Variants in LPIN2 observed in about 807,000 individuals in gnomAD.
The protein encoded by LPIN2 is lipin 2, also known as phosphatidate phosphatase LPIN2.
A neutral mutation model predicts 111.4 loss-of-function variants in LPIN2; 55 were observed. The observed-to-expected ratio is 0.49, with a 90% confidence interval of 0.40 to 0.62. LPIN2 has a LOEUF of 0.62. Among genes scored for constraint, LPIN2 ranks in the 20% least tolerant of loss-of-function variants. The probability of loss-of-function intolerance (pLI) is 0.00; values close to 1 mark genes in which losing one functional copy is unlikely to be tolerated. For missense variants in LPIN2, 992 were observed against 1,112.1 expected, an observed-to-expected ratio of 0.89 and a Z score of 1.54; for synonymous variants, 425 against 414.0, an observed-to-expected ratio of 1.03 and a Z score of -0.32.
At chr18:2,977,286 G>A (rs1815771911) in intron 1 of LPIN2, 1 of 152,000 alleles carries the variant, frequency 6.6e-6, no homozygotes, top group Admixed American at 6.6e-5. Context: ...TGCTGGACTG[G>A]AATTGGAGGT....
At position 2,951,284 on chromosome 18, in the gene LPIN2, G is replaced by A. The variant is rs142161739; in HGVS notation, c.361C>T (p.Pro121Ser). Residue 121 changes from proline (P) to serine (S), a missense_variant, in exon 4 of 20, where the codon CCT becomes TCT. This residue lies in a region of LPIN2 where 709 missense variants were observed against 753.2 expected (regional missense o/e 0.94). Coordinates refer to ENST00000677752, the MANE Select transcript of LPIN2 (RefSeq NM_001375808.2). ...EDQFFKDIDT[P>S]LVKSGGDETP... ...TCATCTCCACCCGATTTCACCAAAG[G>A]GGTGTCAATATCTTTAAAGAACTGA... 35 of 1,614,100 alleles carry A rather than the reference G, an allele frequency of 2.2e-5. No individual in the cohort carries two copies. Among genetic ancestry groups the A allele is most frequent in the Non-Finnish European group, 2.7e-5 (32 of 1,180,004 alleles).
chr18:2,940,360 G>A (rs958954015), intron 5 of LPIN2, among the ~76,000 whole-genome samples: 2 of 152,162 alleles, frequency 1.3e-5, no homozygotes, highest in African/African-American at 4.8e-5. Flanking sequence ...AATAACTGTA[G>A]ATGGCTAAAT....
chr18:2,980,739 A>C (rs1320314331), intron 1 of LPIN2, among the ~76,000 whole-genome samples: 1 of 152,214 alleles, frequency 6.6e-6, no homozygotes, highest in Non-Finnish European at 1.5e-5. Context: ...CCGCTGGAGA[A>C]GAGGTCTGGG....
At chr18:2,991,471 C>T (rs1000629840) in intron 1 of LPIN2, among the ~76,000 whole-genome samples, 2 of 151,338 alleles carry the variant, frequency 1.3e-5, no homozygotes, top group African/African-American at 2.4e-5. Context: ...CACACTGGGG[C>T]GGACTAAGGT....
intron 1 of LPIN2, among the ~76,000 whole-genome samples, chr18:2,964,140 G>A (rs867144199): frequency 1.7e-4 from 25 of 151,446 alleles, no homozygotes; most frequent in African/African-American, 5.1e-4. Flanking sequence ...AAAATTAGCC[G>A]GGCGTGATGG....
At chr18:2,970,379 T>C (rs113445779) in intron 1 of LPIN2, among the ~76,000 whole-genome samples, 144 of 152,330 alleles carry the variant, frequency 9.5e-4, no homozygotes, top group African/African-American at 3.1e-3. Context: ...AAACAGATAT[T>C]CATGAAACGT....
rs181968191 is a variant in LPIN2, at chr18:2,977,658, C to G, written c.-9-16809G>C. On this transcript the variant is annotated intron_variant, in intron 1 of 19. Coordinates refer to ENST00000677752, the MANE Select transcript of LPIN2 (RefSeq NM_001375808.2). ...AAAAACAGGAGTATACTCCCAAGAG[C>G]TAAACACAGGACAATCTGAGCAACA... 6.1e-4 allele frequency among the ~76,000 whole-genome samples: 93 copies of G among 152,198 alleles called. 1 individual carries two copies. The highest frequency in any genetic ancestry group is 2.1e-3 in the African/African-American group (89 of 41,522).
Position 2,918,874 on chromosome 18 carries a change from A to G in LPIN2, c.*1419T>C, listed in dbSNP as rs1772569360. 1 of 152,188 alleles carries G rather than the reference A, an allele frequency of 6.6e-6. No individual in the cohort carries two copies. 9.4% of individuals were successfully genotyped at this position (152,188 alleles called of 1,614,324 possible). ...ACGGCAGGGGCATGAAGAGTTGGCC[A>G]CGAGACCACCCCGAGCGCCAAGCCT... On this transcript the variant is annotated 3_prime_UTR_variant, in exon 20 of 20. Coordinates refer to ENST00000677752, the MANE Select transcript of LPIN2 (RefSeq NM_001375808.2).
At chr18:2,920,936 T>G in intron 18 of LPIN2, 55 bp from the exon 19 acceptor site, 1 of 1,186,926 alleles carries the variant, frequency 8.4e-7, no homozygotes, top group South Asian at 1.2e-5. Context: ...CAGGAGATAC[T>G]TCTCAGGCTC....
chr18:2,974,422 G>T (rs976897142), intron 1 of LPIN2, among the ~76,000 whole-genome samples: 1 of 152,184 alleles, frequency 6.6e-6, no homozygotes, highest in South Asian at 2.1e-4. Context: ...GTCCTTGGGG[G>T]AGCCTGTTAT....
chr18:3,003,143 G>T (rs1454617581), intron 1 of LPIN2, among the ~76,000 whole-genome samples: 2 of 152,182 alleles, frequency 1.3e-5, no homozygotes, highest in African/African-American at 4.8e-5. Flanking sequence ...GTATATTCAT[G>T]AATTTGGGAA....
chr18:2,932,144 G>C (rs906874187), intron 8 of LPIN2, among the ~76,000 whole-genome samples: 10 of 152,216 alleles, frequency 6.6e-5, no homozygotes, highest in African/African-American at 2.2e-4. Flanking sequence ...CTTATGCAAT[G>C]AAGTGTAAAT....
chr18:2,976,631 T>C (rs1423393807), intron 1 of LPIN2, among the ~76,000 whole-genome samples: 1 of 152,210 alleles, frequency 6.6e-6, no homozygotes, highest in African/African-American at 2.4e-5. Context: ...TTTCCTGAGG[T>C]GTGCTCAATT....
Position 3,003,835 on chromosome 18 carries a change from C to T in LPIN2, c.-10+9252G>A, listed in dbSNP as rs945488070. Among the ~76,000 whole-genome samples, 9 of 152,214 alleles carry T rather than the reference C, an allele frequency of 5.9e-5. 1 individual carries two copies. The Middle Eastern group carries it at 0.01, about 173-fold the overall frequency. ...GATAACCATAAGGTCTGACTGCCTG[C>T]GGGGTCGGGCAGAATACAGCCATAT... On this transcript the variant is annotated intron_variant, in intron 1 of 19. Coordinates refer to ENST00000677752, the MANE Select transcript of LPIN2 (RefSeq NM_001375808.2).
intron 1 of LPIN2, among the ~76,000 whole-genome samples, chr18:2,986,983 T>C (rs1598601376): frequency 6.6e-6 from 1 of 151,724 alleles, no homozygotes; most frequent in Non-Finnish European, 1.5e-5. Flanking sequence ...AGGTCGGGGG[T>C]GAAGAGGGGG....
chr18:2,988,827 ATTTCAT>A (rs948855392), intron 1 of LPIN2, among the ~76,000 whole-genome samples: 1 of 152,232 alleles, frequency 6.6e-6, no homozygotes, highest in African/African-American at 2.4e-5. Flanking sequence ...CAAGTGTGAC[ATTTCAT>A]TTTATTTTTC....
chr18:2,948,634 A>G (rs1628891), intron 4 of LPIN2, among the ~76,000 whole-genome samples: 89,722 of 151,866 alleles, frequency 0.59, 27,596 homozygotes, highest in Non-Finnish European at 0.69. Context: ...AGATCTTGGA[A>G]GAATTTTAGT....
chr18:2,920,866 T>C lies in LPIN2; in HGVS notation c.2458A>G (p.Thr820Ala), dbSNP rs2077043149. 6.2e-7 allele frequency: 1 copy of C among 1,613,128 alleles called. No homozygotes were observed. The highest frequency in any genetic ancestry group is 8.5e-7 in the Non-Finnish European group (1 of 1,179,074). ...GNRPNDVYAYTQVGVPDCRIF... is the reference protein window; with the variant it reads ...GNRPNDVYAYAQVGVPDCRIF... ...CTACAGTCTGGAACTCCAACTTGTG[T>C]GTAGGCATAGACATCCTGCAGAAGA... The change falls in exon 19 of 20, where the codon ACA (threonine) becomes GCA (alanine). Residue 820 changes from threonine (T) to alanine (A), a missense_variant. Physicochemically the swap from Thr to Ala is moderately conservative, Grantham distance 58. Coordinates refer to ENST00000677752, the MANE Select transcript of LPIN2 (RefSeq NM_001375808.2).
intron 1 of LPIN2, chr18:2,985,354 G>A (rs979110186): frequency 1.3e-5 from 2 of 152,092 alleles, no homozygotes; most frequent in South Asian, 2.1e-4. Context: ...AAACGCTACT[G>A]TATTGTCAAA....
Sources: gnomAD v4.1 joint callset for allele counts (sites outside exome capture counted in the v4.1 genomes callset) on GRCh38, gnomAD v4.1.1 for gene constraint, gnomAD v4.1.1 regional missense constraint, MANE v1.5 for transcripts, NCBI Gene and HGNC (gene_info 2026-07-23, HGNC 2026-07-21) for gene names.